The following TLE3 variants were observed in gnomAD, a reference collection of about 807,000 sequenced individuals.
The protein encoded by TLE3 is TLE family member 3, transcriptional corepressor, also known as transducin-like enhancer protein 3.
In TLE3, 14 loss-of-function variants were observed where a neutral mutation model predicts 93.0. That is an observed-to-expected ratio of 0.15 (90% CI 0.10 to 0.24). The LOEUF is 0.24. Ranked by LOEUF, TLE3 falls within the 10% of genes least tolerant of loss-of-function variation. The probability of loss-of-function intolerance (pLI) is 1.00; values close to 1 mark genes in which losing one functional copy is unlikely to be tolerated. For synonymous variants in TLE3, 451 were observed against 425.0 expected (o/e 1.06, Z -0.75); for missense variants, 693 against 1,046.6 (o/e 0.66, Z 4.66).
At chr15:70,052,988 A>G in intron 17 of TLE3, 1 of 506,150 alleles carries the variant, frequency 2.0e-6, no homozygotes. Flanking sequence ...AGTGCTCAAT[A>G]GCAGCAGAGA....
intron 2 of TLE3, 73 bp downstream of exon 2, chr15:70,096,088 C>CG: frequency 2.0e-6 from 3 of 1,474,724 alleles, no homozygotes; most frequent in South Asian, 1.2e-5. Context: ...TCCGTCCCCG[C>CG]GGGGGATGGC....
Position 70,097,283 on chromosome 15 carries a change from C to T in TLE3, c.-485G>A. ...AGCATCCGGGGCGCGCGGGTCCGAT[C>T]CTAGAGGCGTCCGGGCCTGGGGCTC... On this transcript the variant is annotated 5_prime_UTR_variant, in exon 1 of 20. Coordinates refer to ENST00000451782, the MANE Select transcript of TLE3 (RefSeq NM_001105192.3). 2.5e-6 allele frequency: 1 copy of T among 401,796 alleles called. No individual in the cohort carries two copies. 24.9% of individuals were successfully genotyped at this position (401,796 alleles called of 1,614,324 possible).
intron 13 of TLE3, among the ~76,000 whole-genome samples, chr15:70,057,125 C>T (rs2056111749): frequency 6.6e-6 from 1 of 152,236 alleles, no homozygotes; most frequent in Non-Finnish European, 1.5e-5. Context: ...ACCCCTGCTC[C>T]ATGGACATCA....
Position 70,053,404 on chromosome 15 carries a change from G to A in TLE3, c.1827-30C>T, listed in dbSNP as rs545455201. 63 of 1,582,914 alleles carry A rather than the reference G, an allele frequency of 4.0e-5. No individual in the cohort carries two copies. The South Asian group carries it at 6.6e-4, about 17-fold the overall frequency. On this transcript the variant is annotated intron_variant, in intron 16 of 19. Coordinates refer to ENST00000451782, the MANE Select transcript of TLE3 (RefSeq NM_001105192.3). Reference sequence around the variant, plus strand: ...GAAAGCCAAGCAGGGAGGAGGGTGAGTCCCGGGAACCACAGACTGCCAGGT... The same window carrying A: ...GAAAGCCAAGCAGGGAGGAGGGTGAATCCCGGGAACCACAGACTGCCAGGT...
chr15:70,058,254 G>A lies in TLE3; in HGVS notation c.956C>T (p.Thr319Ile). The change falls in exon 12 of 20, where the codon ACA becomes ATA. Residue 319 changes from threonine to isoleucine, a missense_variant. Coordinates refer to ENST00000451782, the MANE Select transcript of TLE3 (RefSeq NM_001105192.3). The surrounding 1 kb of genome is among the most constrained non-coding windows in gnomAD (Gnocchi z 4.1). ...KSSTPGLKSNTPTPRNDAPTP... is the reference protein window; with the variant it reads ...KSSTPGLKSNIPTPRNDAPTP... ...TGGGGCGTCGTTCCTTGGGGTTGGT[G>A]TGTTGGACTTGAGCCCAGGGGTGGA... 1.2e-6 allele frequency: 2 copies of A among 1,613,240 alleles called. No homozygotes were observed. The highest frequency in any genetic ancestry group is 1.1e-5 in the South Asian group (1 of 90,944).
Position 70,056,356 on chromosome 15 carries a change from G to C in TLE3, c.1270C>G (p.Pro424Ala), listed in dbSNP as rs772341988. The C allele has an allele frequency of 1.2e-6, 2 of 1,613,492 alleles. No homozygotes were observed. The highest frequency in any genetic ancestry group is 2.2e-5 in the East Asian group (1 of 44,880). ...GGGAGGCCTGTGGCCCGCATCGGGG[G>C]GTGAGGGTCAAAACCAACCTGTAAA... is the stretch of plus-strand genomic sequence containing the variant. ...SFGAVGFDPH[P>A]PMRATGLPSS... The change falls in exon 14 of 20, where the codon CCC becomes GCC. Residue 424 changes from proline (P) to alanine (A), a missense_variant. Coordinates refer to ENST00000451782, the MANE Select transcript of TLE3 (RefSeq NM_001105192.3).
At chr15:70,075,952 A>C (rs994771426) in intron 5 of TLE3, 144 bp downstream of exon 5, 2 of 722,938 alleles carry the variant, frequency 2.8e-6, no homozygotes, top group Admixed American at 2.4e-5. Flanking sequence ...AGGCTCTGGA[A>C]ATCTCCAGGT....
In TLE3 at chr15:70,058,072, T is replaced by C. The variant is rs2056201316; in HGVS notation, c.1051+87A>G. ...GAGACACTGCCTGTGCTCTATCCCATGCGTGTGTGTCACCCCTGCCCTGGC... is the reference window on the plus strand; with the variant it reads ...GAGACACTGCCTGTGCTCTATCCCACGCGTGTGTGTCACCCCTGCCCTGGC... On this transcript the variant is annotated intron_variant, in intron 12 of 19. Coordinates refer to ENST00000451782, the MANE Select transcript of TLE3 (RefSeq NM_001105192.3). This position sits in a 1 kb window ranked among gnomAD's most constrained non-coding sequence, Gnocchi z 4.1. 1 of 1,587,324 alleles carries C rather than the reference T, an allele frequency of 6.3e-7. No individual in the cohort carries two copies. The highest frequency in any genetic ancestry group is 1.3e-5 in the African/African-American group (1 of 74,486).
chr15:70,060,751 G>T lies in TLE3; in HGVS notation c.595-102C>A, dbSNP rs745568362. On this transcript the variant is annotated intron_variant, in intron 8 of 19. Transcript: ENST00000451782. ...GCAGGTGACACGGAGGTCAGGGGAG[G>T]GAAGAGAAGCTGAACTCCTCTCTGC... The T allele has an allele frequency of 6.1e-5, 95 of 1,556,822 alleles. No homozygotes were observed. The Admixed American group carries it at 1.7e-3, about 27-fold the overall frequency.
At chr15:70,074,057 G>A (rs1466713704) in intron 6 of TLE3, among the ~76,000 whole-genome samples, 2 of 152,262 alleles carry the variant, frequency 1.3e-5, no homozygotes, top group Admixed American at 6.5e-5. Context: ...ACAGCAAGAC[G>A]TAAACCCAAA....
chr15:70,096,329 C>G (rs770724148), intron 1 of TLE3, 68 bp from the exon 2 acceptor site: 1 of 1,534,022 alleles, frequency 6.5e-7, no homozygotes, highest in South Asian at 1.2e-5. Flanking sequence ...GCGGCCCCGG[C>G]CCCTCCCCAA....
chr15:70,097,880 G>T lies in TLE3; in HGVS notation c.-1082C>A. 3.3e-6 allele frequency: 1 copy of T among 306,386 alleles called. No homozygotes were observed. The highest frequency in any genetic ancestry group is 6.0e-6 in the Non-Finnish European group (1 of 167,644). The allele number at this position is 306,386 out of a possible 1,614,324, so 19.0% of individuals were successfully genotyped here. On this transcript the variant is annotated 5_prime_UTR_variant, in exon 1 of 20. Transcript: ENST00000451782. ...AGACAGGCGAAGGGGACGAGCACGA[G>T]GTCTGAACTGCCGCGAGAGCAGTTC...
chr15:70,084,447 T>C (rs1051836932), intron 4 of TLE3, among the ~76,000 whole-genome samples: 6 of 152,250 alleles, frequency 3.9e-5, no homozygotes, highest in African/African-American at 1.4e-4. Context: ...CTGATCCACA[T>C]GTGGCTGATG....
intron 1 of TLE3, 33 bp from the exon 2 acceptor site, chr15:70,096,294 G>A (rs943483459): frequency 1.3e-6 from 2 of 1,549,732 alleles, no homozygotes; most frequent in Non-Finnish European, 8.7e-7. Context: ...AGGGGAGGGG[G>A]CGGGGGCATG....
intron 6 of TLE3, among the ~76,000 whole-genome samples, chr15:70,072,568 G>C (rs1029078904): frequency 6.6e-6 from 1 of 152,234 alleles, no homozygotes; most frequent in African/African-American, 2.4e-5. Context: ...ACCCTCCAGG[G>C]CTGCACCAGG....
At chr15:70,057,299 C>T (rs536378682) in intron 13 of TLE3, among the ~76,000 whole-genome samples, 160 bp downstream of exon 13, 3 of 152,336 alleles carry the variant, frequency 2.0e-5, no homozygotes, top group Admixed American at 1.3e-4. Flanking sequence ...TGTACCCTTC[C>T]AGCCAAGTCT....
In TLE3 at chr15:70,054,445, G is replaced by A; in HGVS notation, c.1819C>T (p.Leu607=). The change falls in exon 16 of 20, where the codon CTG becomes TTG. Residue 607 remains leucine, a synonymous_variant. Coordinates refer to ENST00000451782, the MANE Select transcript of TLE3 (RefSeq NM_001105192.3). Reference sequence around the variant, plus strand: ...TCCCTCCTGCCGGCTCACCTGACCAGGGTCTGGTTGTGCAGGTCCCAGACA... The same window carrying A: ...TCCCTCCTGCCGGCTCACCTGACCAAGGTCTGGTTGTGCAGGTCCCAGACA... ...IAVWDLHNQT[L]VRQFQGHTDG... 6.2e-7 allele frequency: 1 copy of A among 1,613,292 alleles called. No individual in the cohort carries two copies. The highest frequency in any genetic ancestry group is 8.5e-7 in the Non-Finnish European group (1 of 1,179,390).
chr15:70,058,941 GC>G lies in TLE3; in HGVS notation c.766-127del. On this transcript the variant is annotated intron_variant, in intron 10 of 19. Transcript: ENST00000451782. The surrounding 1 kb of genome is among the most constrained non-coding windows in gnomAD (Gnocchi z 4.1). The stretch of plus-strand genomic sequence containing the variant: ...GACGAGCTTGGCTGAAAGACTGGGG[GC>G]CCCACAGTGAGGAAAAACTAGCTCT... The G allele has an allele frequency of 7.6e-7, 1 of 1,315,728 alleles. No individual in the cohort carries two copies. The highest frequency in any genetic ancestry group is 1.0e-6 in the Non-Finnish European group (1 of 996,232). 81.5% of individuals were successfully genotyped at this position (1,315,728 alleles called of 1,614,324 possible).
At chr15:70,095,795 G>T in intron 2 of TLE3, 154 bp from the exon 3 acceptor site, 1 of 913,844 alleles carries the variant, frequency 1.1e-6, no homozygotes, top group Non-Finnish European at 1.6e-6. Context: ...GGGGGGATTT[G>T]GGTCCCCGCC....
Sources: gnomAD v4.1 joint callset for allele counts (sites outside exome capture counted in the v4.1 genomes callset) on GRCh38, gnomAD v4.1.1 for gene constraint, Gnocchi (gnomAD v3.1) non-coding constraint, MANE v1.5 for transcripts, NCBI Gene and HGNC (gene_info 2026-07-23, HGNC 2026-07-21) for gene names.